OMA1: variants seen among roughly 807,000 people sequenced by gnomAD.
OMA1 encodes metalloendopeptidase OMA1, mitochondrial.
A neutral mutation model predicts 30.9 loss-of-function variants in OMA1; 38 were observed. The ratio of observed to expected loss-of-function variants is 1.23; its 90% CI spans 0.95 to 1.61. OMA1 has a LOEUF of 1.61. Ranked by LOEUF, OMA1 falls within the 40% of genes most tolerant of loss-of-function variation. The probability of loss-of-function intolerance (pLI) is 0.00; values close to 1 mark genes in which losing one functional copy is unlikely to be tolerated. For missense variants in OMA1, 461 were observed against 349.2 expected, an observed-to-expected ratio of 1.32 and a Z score of -2.55; for synonymous variants, 173 against 121.9, an observed-to-expected ratio of 1.42 and a Z score of -2.76.
intron 7 of OMA1, among the ~76,000 whole-genome samples, chr1:58,510,935 T>C (rs913759744): frequency 1.3e-5 from 2 of 151,808 alleles, no homozygotes; most frequent in African/African-American, 4.8e-5. Context: ...CCTTCTACAC[T>C]AAAAAGTATC....
rs1269821678 is a variant in OMA1, at chr1:58,544,782, CGG to C, written c.-17+1919_-17+1920del. 2.6e-5 allele frequency among the ~76,000 whole-genome samples: 4 copies of C among 152,238 alleles called. No individual in the cohort carries two copies. In the East Asian group the frequency reaches 7.7e-4, roughly 29 times the overall value. On this transcript the variant is annotated intron_variant, in intron 1 of 8. Coordinates refer to ENST00000371226, the MANE Select transcript of OMA1 (RefSeq NM_145243.5). ...CTAATTTTTGTATTTTTAGTAGAGA[CGG>C]GGTTTCGGCAAATTGCCCAGGCTAG...
At chr1:58,492,512 C>A (rs957159132) in intron 8 of OMA1, among the ~76,000 whole-genome samples, 1 of 152,060 alleles carries the variant, frequency 6.6e-6, no homozygotes, top group East Asian at 1.9e-4. Flanking sequence ...AATTGATAGA[C>A]CACTAGCAAG....
At chr1:58,532,183 A>G (rs1260922402) in intron 5 of OMA1, among the ~76,000 whole-genome samples, 1 of 152,232 alleles carries the variant, frequency 6.6e-6, no homozygotes, top group Non-Finnish European at 1.5e-5. Flanking sequence ...GCCTAGATAA[A>G]ATCAAAACTG....
intron 7 of OMA1, among the ~76,000 whole-genome samples, chr1:58,521,217 C>A (rs56381640): frequency 0.048 from 7,314 of 151,710 alleles, 222 homozygotes; most frequent in African/African-American, 0.063. Context: ...GAAACCACAG[C>A]GAAAACAAGA....
chr1:58,499,382 G>A (rs1032302315), intron 8 of OMA1, among the ~76,000 whole-genome samples: 3 of 151,022 alleles, frequency 2.0e-5, no homozygotes, highest in East Asian at 1.9e-4. Flanking sequence ...CTACTCTGGA[G>A]GCTGAAGTGG....
intron 8 of OMA1, among the ~76,000 whole-genome samples, chr1:58,490,812 T>C (rs1360954155): frequency 0.012 from 1,599 of 131,364 alleles, 53 homozygotes; most frequent in African/African-American, 0.043. Context: ...TTTTTTTTTT[T>C]TTTTTTTTTT....
intron 7 of OMA1, among the ~76,000 whole-genome samples, chr1:58,517,446 C>T (rs1322150898): frequency 1.3e-5 from 2 of 152,176 alleles, no homozygotes; most frequent in Non-Finnish European, 2.9e-5. Context: ...AGGATAATTA[C>T]TATTTATCTT....
intron 6 of OMA1, 49 bp downstream of exon 6, chr1:58,530,552 T>C (rs1646419412): frequency 1.2e-6 from 1 of 815,880 alleles, no homozygotes; most frequent in Non-Finnish European, 2.1e-6. Context: ...AGTATTAAAA[T>C]ATCTTCACCA....
chr1:58,539,272 T>C lies in OMA1; in HGVS notation c.23A>G (p.Gln8Arg), dbSNP rs755367494. The C allele has an allele frequency of 1.2e-6, 1 of 855,268 alleles. No individual in the cohort carries two copies. Among genetic ancestry groups the C allele is most frequent in the South Asian group, 1.4e-5 (1 of 72,894 alleles). The allele number at this position is 855,268 out of a possible 1,614,324, so 53.0% of individuals were successfully genotyped here. The change falls in exon 2 of 9, where the codon CAG becomes CGG. Residue 8 changes from glutamine to arginine, a missense_variant. Coordinates refer to ENST00000371226, the MANE Select transcript of OMA1 (RefSeq NM_145243.5). ...GAAAACATGGTTTCTAGCAGCAGAC[T>C]GCAATCCACAGATGAAGCTCATTTT... MSFICGL[Q>R]SAARNHVFFR... is the part of the protein sequence containing the mutation.
intron 8 of OMA1, among the ~76,000 whole-genome samples, chr1:58,501,488 G>A (rs1271069051): frequency 6.6e-6 from 1 of 152,088 alleles, no homozygotes; most frequent in Non-Finnish European, 1.5e-5. Flanking sequence ...GTCCTTACAG[G>A]GGCGATAAGG....
chr1:58,532,619 C>T (rs1646451788), intron 5 of OMA1, among the ~76,000 whole-genome samples: 1 of 152,054 alleles, frequency 6.6e-6, no homozygotes, highest in Non-Finnish European at 1.5e-5. Flanking sequence ...CCTTGATCTC[C>T]CAGGCTCAAG....
rs375520156 is a variant in OMA1 at position 58,490,397 on chromosome 1, G to C, written c.1366-9223C>G. 5.9e-5 allele frequency among the ~76,000 whole-genome samples: 9 copies of C among 151,774 alleles called. No individual in the cohort carries two copies. The East Asian group carries it at 1.2e-3, about 19-fold the overall frequency. On this transcript the variant is annotated intron_variant, in intron 8 of 8. Coordinates refer to ENST00000371226, the MANE Select transcript of OMA1 (RefSeq NM_145243.5). ...CAAGAAGAGAAGGTTAGAGAAAAAA[G>C]AATAAAAAGAAATGAACAAAGCCTC...
chr1:58,503,083 T>C (rs1016990315), intron 8 of OMA1, among the ~76,000 whole-genome samples: 1 of 152,218 alleles, frequency 6.6e-6, no homozygotes, highest in African/African-American at 2.4e-5. Flanking sequence ...AATTTGATGA[T>C]GAAATGACAA....
At chr1:58,489,352 A>C (rs1023052184) in intron 8 of OMA1, among the ~76,000 whole-genome samples, 7 of 152,206 alleles carry the variant, frequency 4.6e-5, no homozygotes, top group African/African-American at 1.7e-4. Flanking sequence ...TTACTAGCAC[A>C]GCAGTCTGAG....
At chr1:58,498,042 C>T (rs2100396889) in intron 8 of OMA1, among the ~76,000 whole-genome samples, 1 of 152,124 alleles carries the variant, frequency 6.6e-6, no homozygotes, top group African/African-American at 2.4e-5. Context: ...TTTTCTCCTC[C>T]CCTATAAGGC....
intron 8 of OMA1, among the ~76,000 whole-genome samples, chr1:58,501,571 C>G (rs1474378278): frequency 6.6e-6 from 1 of 152,194 alleles, no homozygotes; most frequent in Non-Finnish European, 1.5e-5. Flanking sequence ...TCCTGCCCCA[C>G]AGCCTTGTAC....
intron 2 of OMA1, among the ~76,000 whole-genome samples, chr1:58,538,008 G>C (rs746542361): frequency 6.6e-6 from 1 of 152,160 alleles, no homozygotes; most frequent in African/African-American, 2.4e-5. Context: ...CAGCTGTATC[G>C]CTTTTGGGTG....
intron 1 of OMA1, chr1:58,542,336 GT>G (rs1646635564): frequency 6.6e-6 from 1 of 152,152 alleles, no homozygotes; most frequent in South Asian, 2.1e-4. Context: ...AGCTAGTAAG[GT>G]TTTCATTGGC....
intron 1 of OMA1, among the ~76,000 whole-genome samples, chr1:58,543,496 T>C (rs549694373): frequency 1.4e-4 from 21 of 152,288 alleles, no homozygotes; most frequent in African/African-American, 4.8e-5. Context: ...TGTGGTCTTA[T>C]GGTGTTGATC....
Sources: gnomAD v4.1 joint callset for allele counts (sites outside exome capture counted in the v4.1 genomes callset) on GRCh38, gnomAD v4.1.1 for gene constraint, MANE v1.5 for transcripts, NCBI Gene and HGNC (gene_info 2026-07-23, HGNC 2026-07-21) for gene names.